The following PFAS variants were observed in gnomAD, a reference collection of about 807,000 sequenced individuals.
The protein encoded by PFAS is phosphoribosylformylglycinamidine synthase, also known as FGAM synthase.
In PFAS, 97 loss-of-function variants were observed where a neutral mutation model predicts 140.6. That is an observed-to-expected ratio of 0.69 (90% CI 0.59 to 0.82). The LOEUF (loss-of-function observed/expected upper bound fraction) is 0.82, where lower values mean the gene tolerates loss of function less well. Among genes scored for constraint, PFAS ranks in the 40% least tolerant of loss-of-function variants. The probability of loss-of-function intolerance (pLI) is 0.00; values close to 1 mark genes in which losing one functional copy is unlikely to be tolerated. For synonymous variants in PFAS, 679 were observed against 718.8 expected, an observed-to-expected ratio of 0.94 and a Z score of 0.88; for missense variants, 1,656 against 1,780.2, an observed-to-expected ratio of 0.93 and a Z score of 1.26.
rs887403124 is a variant in PFAS at position 8,266,319 on chromosome 17, G to A, written c.2787G>A (p.Gly929=). ...LLEMAFAGNC[G]LQVDVPVPRV... is the part of the protein sequence containing the mutation. ...AGATGGCCTTTGCTGGAAATTGCGG[G>A]CTACAGGTGGATGTGCCTGTCCCCA... The change falls in exon 22 of 28, where the codon GGG becomes GGA. Residue 929 remains glycine, a synonymous_variant. Coordinates refer to ENST00000314666, the MANE Select transcript of PFAS (RefSeq NM_012393.3). This position sits in a 1 kb window ranked among gnomAD's most constrained non-coding sequence, Gnocchi z 5.0. 1 of 1,614,078 alleles carries A rather than the reference G, an allele frequency of 6.2e-7. No homozygotes were observed. The highest frequency in any genetic ancestry group is 1.3e-5 in the African/African-American group (1 of 75,032).
intron 1 of PFAS, among the ~76,000 whole-genome samples, chr17:8,251,818 C>T (rs1335342208): frequency 6.6e-6 from 1 of 151,644 alleles, no homozygotes; most frequent in African/African-American, 2.4e-5. Flanking sequence ...ACTACAGGTG[C>T]TTGCCACCAC....
Position 8,255,560 on chromosome 17 carries a change from G to A in PFAS, c.443G>A (p.Arg148Gln), listed in dbSNP as rs537765303. Residue 148 changes from arginine (R) to glutamine (Q), a missense_variant, in exon 5 of 28, where the codon CGG becomes CAG. By Grantham distance (43) the Arg-to-Gln change is conservative. This residue lies in a region of PFAS where 773 missense variants were observed against 757.3 expected (regional missense o/e 1.02). Transcript: ENST00000314666. The stretch of plus-strand genomic sequence containing the variant: ...ATTGCTCTGGCTACCCTGCACGACC[G>A]GATGACAGAGCAGCACTTCCCCCAT... ...EAIALATLHDRMTEQHFPHPI... is the reference protein window; with the variant it reads ...EAIALATLHDQMTEQHFPHPI... The A allele has an allele frequency of 3.5e-5, 54 of 1,547,096 alleles. No homozygotes were observed. The highest frequency in any genetic ancestry group is 9.7e-5 in the African/African-American group (7 of 72,424).
chr17:8,265,003 G>C lies in PFAS; in HGVS notation c.2158G>C (p.Gly720Arg). ...GGCACTGAGCCATGAGGAGCTCATA[G>C]GGGCTGCCACAGCCTTGGGAGAACA... ...VVALSHEELI[G>R]AATALGEQPV... Residue 720 changes from glycine to arginine, a missense_variant, in exon 18 of 28, where the codon GGG (glycine) becomes CGG (arginine). Physicochemically the swap from Gly to Arg is moderately radical, Grantham distance 125. Around this residue, in one of 2 missense-constraint regions of PFAS, gnomAD observed 883 missense variants for 1,023.0 expected, o/e 0.86. Coordinates refer to ENST00000314666, the MANE Select transcript of PFAS (RefSeq NM_012393.3). 6.2e-7 allele frequency: 1 copy of C among 1,613,584 alleles called. No individual in the cohort carries two copies. The highest frequency in any genetic ancestry group is 1.1e-5 in the South Asian group (1 of 91,070).
In PFAS at chr17:8,267,009, G is replaced by C; in HGVS notation, c.2968-19G>C. 6.2e-7 allele frequency: 1 copy of C among 1,613,106 alleles called. No individual in the cohort carries two copies. The highest frequency in any genetic ancestry group is 8.5e-7 in the Non-Finnish European group (1 of 1,179,912). On this transcript the variant is annotated intron_variant, in intron 23 of 27. Coordinates refer to ENST00000314666, the MANE Select transcript of PFAS (RefSeq NM_012393.3). This position sits in a 1 kb window ranked among gnomAD's most constrained non-coding sequence, Gnocchi z 4.9. ...CCATCCTTTCTCCTAGCCCGTGGGA[G>C]ATTTGTTCCTCTTCCTAGGTCCGGG... is the stretch of plus-strand genomic sequence containing the variant.
At position 8,263,630 on chromosome 17, in the gene PFAS, C is replaced by T; in HGVS notation, c.1623C>T (p.Arg541=). 6.2e-7 allele frequency: 1 copy of T among 1,613,908 alleles called. No homozygotes were observed. The highest frequency in any genetic ancestry group is 1.1e-5 in the South Asian group (1 of 91,072). ...CTGGAGCCATCATTTACACCAGCCG[C>T]TTCCAGGTGGGTCTCGTCCCCTGAA... ...DPAGAIIYTS[R]FQLGDPTLNA... The change falls in exon 14 of 28, where the codon CGC becomes CGT. Residue 541 remains arginine (R), a synonymous_variant. Coordinates refer to ENST00000314666, the MANE Select transcript of PFAS (RefSeq NM_012393.3).
intron 4 of PFAS, 81 bp from the exon 5 acceptor site, chr17:8,255,421 A>C (rs565355605): frequency 8.9e-7 from 1 of 1,117,990 alleles, no homozygotes; most frequent in African/African-American, 1.6e-5. Context: ...GCCTTGCATG[A>C]CTAAGAGGGT....
At chr17:8,254,677 G>A (rs1264537583) in intron 3 of PFAS, among the ~76,000 whole-genome samples, 3 of 151,654 alleles carry the variant, frequency 2.0e-5, no homozygotes, top group Admixed American at 6.6e-5. Flanking sequence ...GGTGGCGGGC[G>A]CCTGTAGTCC....
At position 8,253,327 on chromosome 17, in the gene PFAS, G is replaced by A. The variant is rs569218273; in HGVS notation, c.-79-532G>A. ...GCCCAGCAAAGTGCATGTACTCCAG[G>A]AACACGTGTCAGGTGTGTGCCTGTA... On this transcript the variant is annotated intron_variant, in intron 1 of 27. Transcript: ENST00000314666. Among the ~76,000 whole-genome samples, 4 of 152,210 alleles carry A rather than the reference G, an allele frequency of 2.6e-5. No homozygotes were observed. The South Asian group carries it at 8.3e-4, about 32-fold the overall frequency.
chr17:8,263,060 T>C (rs7206953), intron 12 of PFAS, 49 bp from the exon 13 acceptor site: 1,150,969 of 1,610,116 alleles, frequency 0.71, 416,291 homozygotes, highest in Admixed American at 0.75. Context: ...GGGGAGCGTA[T>C]AGGAGCTTCC....
chr17:8,267,447 A>C lies in PFAS; in HGVS notation c.3251A>C (p.His1084Pro), dbSNP rs1989864867. 6 of 1,614,054 alleles carry C rather than the reference A, an allele frequency of 3.7e-6. No homozygotes were observed. The highest frequency in any genetic ancestry group is 5.1e-6 in the Non-Finnish European group (6 of 1,179,952). ...NGDREMADAF[H>P]LAGFEVWDVT... is the part of the protein sequence containing the mutation. ...GACCGGGAGATGGCCGATGCCTTCC[A>C]CTTAGCTGGGTTTGAGGTGAGCAGG... is the stretch of plus-strand genomic sequence containing the variant. Residue 1084 changes from histidine (H) to proline (P), a missense_variant, in exon 25 of 28, where the codon CAC (histidine) becomes CCC (proline). Around this residue, in one of 2 missense-constraint regions of PFAS, gnomAD observed 883 missense variants for 1,023.0 expected, o/e 0.86. Coordinates refer to ENST00000314666, the MANE Select transcript of PFAS (RefSeq NM_012393.3). The surrounding 1 kb of genome is among the most constrained non-coding windows in gnomAD (Gnocchi z 4.9).
In PFAS at chr17:8,268,329, T is replaced by C. The variant is rs1254510557; in HGVS notation, c.3383-204T>C. Among the ~76,000 whole-genome samples, 4 of 136,898 alleles carry C rather than the reference T, an allele frequency of 2.9e-5. No homozygotes were observed. The East Asian group carries it at 8.4e-4, about 29-fold the overall frequency. 89.8% of individuals were successfully genotyped at this position (136,898 alleles called of 152,430 possible). A position where few individuals can be genotyped will look rare whatever the true frequency, so the allele number is the denominator to read the frequency against. On this transcript the variant is annotated intron_variant, in intron 26 of 27. Transcript: ENST00000314666. ...CAGAGGTTGTAGTGAGCCGAGATCA[T>C]GCCACTGTACTCCAGCCTGGGTGAC... is the stretch of plus-strand genomic sequence containing the variant.
At chr17:8,249,795 C>CATTA (rs1312820975) in intron 1 of PFAS, among the ~76,000 whole-genome samples, 1 of 152,164 alleles carries the variant, frequency 6.6e-6, no homozygotes, top group Non-Finnish European at 1.5e-5. Context: ...ATCAAGAGTT[C>CATTA]ATTAAGTCAT....
intron 9 of PFAS, 145 bp from the exon 10 acceptor site, chr17:8,257,662 T>C: frequency 1.2e-6 from 1 of 806,066 alleles, no homozygotes; most frequent in Non-Finnish European, 2.1e-6. Flanking sequence ...CTCTAGGGCT[T>C]CCTAAAGCAG....
In PFAS at chr17:8,265,405, G is replaced by T; in HGVS notation, c.2398G>T (p.Asp800Tyr). 1 of 1,614,200 alleles carries T rather than the reference G, an allele frequency of 6.2e-7. No individual in the cohort carries two copies. Reference protein sequence around the residue: ...AVMAALGVAVDGGKDSLSMAA... With the variant: ...AVMAALGVAVYGGKDSLSMAA... ...GATGGCAGCCCTGGGTGTGGCAGTG[G>T]ATGGTGGCAAGGACTCCCTCAGCAT... The change falls in exon 19 of 28, where the codon GAT (aspartate) becomes TAT (tyrosine). Residue 800 changes from aspartate (D) to tyrosine (Y), a missense_variant. Asp to Tyr is a radical substitution (Grantham distance 160). Around this residue, in one of 2 missense-constraint regions of PFAS, gnomAD observed 883 missense variants for 1,023.0 expected, o/e 0.86. Coordinates refer to ENST00000314666, the MANE Select transcript of PFAS (RefSeq NM_012393.3).
At position 8,267,223 on chromosome 17, in the gene PFAS, C is replaced by G; in HGVS notation, c.3163C>G (p.Pro1055Ala). The change falls in exon 24 of 28, where the codon CCC becomes GCC. Residue 1055 changes from proline (P) to alanine (A), a missense_variant. By Grantham distance (27) the Pro-to-Ala change is conservative. This residue lies in a region of PFAS where 883 missense variants were observed against 1,023.0 expected (regional missense o/e 0.86). Coordinates refer to ENST00000314666, the MANE Select transcript of PFAS (RefSeq NM_012393.3). This position sits in a 1 kb window ranked among gnomAD's most constrained non-coding sequence, Gnocchi z 4.9. ...CCCCACCTTTCCCAAAGCCTCCGTGCCCCGTGAGCCTGGTGAGGGAGTGTG... is the reference window on the plus strand; with the variant it reads ...CCCCACCTTTCCCAAAGCCTCCGTGGCCCGTGAGCCTGGTGAGGGAGTGTG... ...LPPTFPKASV[P>A]REPGGPSPRV... The G allele has an allele frequency of 6.2e-7, 1 of 1,608,374 alleles. No individual in the cohort carries two copies. The highest frequency in any genetic ancestry group is 8.5e-7 in the Non-Finnish European group (1 of 1,177,304).
In PFAS at chr17:8,266,891, A is replaced by G; in HGVS notation, c.2960A>G (p.His987Arg). ...GGCCACACAGGCGAGGCCGGGCCCCACGCCATGGTGAGGAAGTGAGGGAGA... is the reference window on the plus strand; with the variant it reads ...GGCCACACAGGCGAGGCCGGGCCCCGCGCCATGGTGAGGAAGTGAGGGAGA... ...ELGHTGEAGP[H>R]AMVRVSVNGA... The change falls in exon 23 of 28, where the codon CAC (histidine) becomes CGC (arginine). Residue 987 changes from histidine to arginine, a missense_variant. Physicochemically the swap from His to Arg is conservative, Grantham distance 29 (BLOSUM62 0). This residue lies in a region of PFAS where 883 missense variants were observed against 1,023.0 expected (regional missense o/e 0.86). Coordinates refer to ENST00000314666, the MANE Select transcript of PFAS (RefSeq NM_012393.3). The surrounding 1 kb of genome is among the most constrained non-coding windows in gnomAD (Gnocchi z 5.0). The G allele has an allele frequency of 1.2e-6, 2 of 1,603,240 alleles. No homozygotes were observed. Among genetic ancestry groups the G allele is most frequent in the Non-Finnish European group, 1.7e-6 (2 of 1,177,642 alleles).
chr17:8,266,426 A>T lies in PFAS; in HGVS notation c.2821+73A>T. ...CTGCAGACCCCATTTCCAATATATTAAAGAGTGGAGTGCCCTCCAGTCCCC... is the reference window on the plus strand; with the variant it reads ...CTGCAGACCCCATTTCCAATATATTTAAGAGTGGAGTGCCCTCCAGTCCCC... On this transcript the variant is annotated intron_variant, in intron 22 of 27. Coordinates refer to ENST00000314666, the MANE Select transcript of PFAS (RefSeq NM_012393.3). The surrounding 1 kb of genome is among the most constrained non-coding windows in gnomAD (Gnocchi z 5.0). 3 of 1,593,862 alleles carry T rather than the reference A, an allele frequency of 1.9e-6. No individual in the cohort carries two copies. Among genetic ancestry groups the T allele is most frequent in the Non-Finnish European group, 2.6e-6 (3 of 1,169,488 alleles).
intron 11 of PFAS, among the ~76,000 whole-genome samples, chr17:8,258,875 T>C (rs1467447214): frequency 1.3e-5 from 2 of 151,516 alleles, no homozygotes; most frequent in Non-Finnish European, 2.9e-5. Flanking sequence ...TAGTCCCAGC[T>C]ACTCGGAGGC....
At chr17:8,259,844 T>A (rs1355854224) in intron 11 of PFAS, among the ~76,000 whole-genome samples, 1 of 152,152 alleles carries the variant, frequency 6.6e-6, no homozygotes, top group Non-Finnish European at 1.5e-5. Context: ...CTCACGCCTG[T>A]AATCCCAGCA....
Sources: allele counts gnomAD v4.1 joint callset (sites outside exome capture counted in the v4.1 genomes callset), GRCh38; gene constraint gnomAD v4.1.1; regional missense constraint gnomAD v4.1.1; non-coding constraint Gnocchi (gnomAD v3.1); transcripts MANE v1.5; gene names NCBI Gene and HGNC (gene_info 2026-07-23, HGNC 2026-07-21).